The following ANKRD45 variants were observed in gnomAD, a reference collection of about 807,000 sequenced individuals.
ANKRD45 encodes ankyrin repeat domain 45, also known as ankyrin repeat domain-containing protein 45.
Under a neutral mutation model 28.1 loss-of-function variants are expected in ANKRD45, and 21 were observed. That is an observed-to-expected ratio of 0.75 (90% CI 0.53 to 1.08). The LOEUF is 1.08. ANKRD45 is among the 50% of genes least tolerant of loss of function. The pLI is 0.00. For synonymous variants in ANKRD45, 86 were observed against 103.9 expected, an observed-to-expected ratio of 0.83 and a Z score of 1.05; for missense variants, 261 against 308.7, an observed-to-expected ratio of 0.85 and a Z score of 1.16.
chr1:173,638,095 AGTGT>A (rs57442264), intron 3 of ANKRD45, among the ~76,000 whole-genome samples: 1 of 149,316 alleles, frequency 6.7e-6, no homozygotes, highest in Non-Finnish European at 1.5e-5. Context: ...TTGGAGGCTG[AGTGT>A]GTGTGTGTGT....
At chr1:173,611,576 TACACAC>T (rs57884253) in intron 5 of ANKRD45, among the ~76,000 whole-genome samples, 5,571 of 133,916 alleles carry the variant, frequency 0.042, 181 homozygotes, top group African/African-American at 0.098. Context: ...AATACATACA[TACACAC>T]ACACACACAC....
chr1:173,675,166 AT>A, the ANKRD45 span, among the ~76,000 whole-genome samples: 1 of 152,144 alleles, frequency 6.6e-6, no homozygotes, highest in Non-Finnish European at 1.5e-5. Flanking sequence ...GGTTGCTATT[AT>A]TTTCCTCTAA....
At chr1:173,639,275 A>G (rs1290836347) in intron 3 of ANKRD45, among the ~76,000 whole-genome samples, 1 of 152,172 alleles carries the variant, frequency 6.6e-6, no homozygotes, top group African/African-American at 2.4e-5. Context: ...AGAGATAGCT[A>G]TTGTACATGT....
the ANKRD45 span, among the ~76,000 whole-genome samples, chr1:173,681,465 A>G: frequency 6.6e-6 from 1 of 152,078 alleles, no homozygotes; most frequent in Non-Finnish European, 1.5e-5. Context: ...TATTTTCTTA[A>G]GCCGATTAGA....
chr1:173,707,039 T>C, the ANKRD45 span, among the ~76,000 whole-genome samples: 3 of 152,176 alleles, frequency 2.0e-5, no homozygotes, highest in Non-Finnish European at 2.9e-5. Context: ...ATGAGCAAGA[T>C]TGCTCATGAT....
chr1:173,625,089 C>T (rs1410641766), intron 4 of ANKRD45, among the ~76,000 whole-genome samples, 164 bp from the exon 5 acceptor site: 1 of 152,104 alleles, frequency 6.6e-6, no homozygotes, highest in Non-Finnish European at 1.5e-5. Flanking sequence ...AGCTATTGAG[C>T]ACTAGAAATG....
At chr1:173,669,350 AGAG>A (rs1670156537) in intron 1 of ANKRD45, 1 of 437,148 alleles carries the variant, frequency 2.3e-6, no homozygotes, top group Non-Finnish European at 4.5e-6. Context: ...AAGTTGTGAT[AGAG>A]GAGTAGATCC....
At chr1:173,612,521 G>C (rs1394782423) in intron 5 of ANKRD45, 2 of 152,220 alleles carry the variant, frequency 1.3e-5, no homozygotes, top group African/African-American at 4.8e-5. Context: ...AATACATTAA[G>C]ATACCACTTC....
the ANKRD45 span, among the ~76,000 whole-genome samples, chr1:173,710,276 C>T: frequency 6.6e-6 from 1 of 152,140 alleles, no homozygotes; most frequent in Admixed American, 6.5e-5. Context: ...GCAGCAGCCT[C>T]AATTCTTGCC....
intron 1 of ANKRD45, among the ~76,000 whole-genome samples, chr1:173,661,582 A>C (rs1044829216): frequency 2.6e-5 from 4 of 152,224 alleles, no homozygotes; most frequent in African/African-American, 9.6e-5. Flanking sequence ...AAGGAGATTG[A>C]TCCGACAAGC....
intron 2 of ANKRD45, among the ~76,000 whole-genome samples, chr1:173,657,102 GT>G (rs1373669068): frequency 6.6e-6 from 1 of 150,482 alleles, no homozygotes; most frequent in East Asian, 2.0e-4. Context: ...TACATCTTAG[GT>G]TTTTTTCTGT....
chr1:173,674,312 C>T (rs1670344586), upstream of ANKRD45, among the ~76,000 whole-genome samples: 1 of 152,100 alleles, frequency 6.6e-6, no homozygotes, highest in African/African-American at 2.4e-5. Context: ...CTGCACTCGG[C>T]CCACCTTCAT....
the ANKRD45 span, among the ~76,000 whole-genome samples, chr1:173,687,777 C>T: frequency 6.6e-6 from 1 of 152,030 alleles, no homozygotes; most frequent in Non-Finnish European, 1.5e-5. Context: ...GGTAATTTTC[C>T]TAACTCTGCT....
the ANKRD45 span, among the ~76,000 whole-genome samples, chr1:173,711,737 T>C: frequency 6.6e-6 from 1 of 152,224 alleles, no homozygotes; most frequent in African/African-American, 2.4e-5. Flanking sequence ...GCAGAAAAAC[T>C]GTAATTACTG....
intron 5 of ANKRD45, among the ~76,000 whole-genome samples, chr1:173,620,709 A>G (rs905074074): frequency 2.0e-5 from 3 of 152,094 alleles, no homozygotes; most frequent in Admixed American, 2.0e-4. Context: ...TAACCTGCAC[A>G]TTGTGCACAT....
At chr1:173,630,100 C>A (rs1293488792) in intron 3 of ANKRD45, among the ~76,000 whole-genome samples, 1 of 152,096 alleles carries the variant, frequency 6.6e-6, no homozygotes, top group African/African-American at 2.4e-5. Context: ...AATATTTTCG[C>A]AGGCAAACAA....
intron 2 of ANKRD45, among the ~76,000 whole-genome samples, chr1:173,656,649 A>G (rs1669529666): frequency 6.6e-6 from 1 of 152,154 alleles, no homozygotes; most frequent in East Asian, 1.9e-4. Context: ...AAATTTAACA[A>G]TCAGTTCTTC....
At chr1:173,685,851 G>C in the ANKRD45 span, among the ~76,000 whole-genome samples, 2 of 152,114 alleles carry the variant, frequency 1.3e-5, no homozygotes, top group Non-Finnish European at 2.9e-5. Flanking sequence ...AGAACTTTGA[G>C]GATTTCAGAT....
At chr1:173,669,371 C>T (rs1670157485) in intron 1 of ANKRD45, 1 of 445,346 alleles carries the variant, frequency 2.2e-6, no homozygotes, top group Middle Eastern at 3.4e-4. Flanking sequence ...TCCTAATGTG[C>T]CTTTTAAGCC....
Sources: gnomAD v4.1 joint callset for allele counts (sites outside exome capture counted in the v4.1 genomes callset) on GRCh38, gnomAD v4.1.1 for gene constraint, MANE v1.5 for transcripts, NCBI Gene and HGNC (gene_info 2026-07-23, HGNC 2026-07-21) for gene names.